The following FRMD5 variants were observed in gnomAD, a reference collection of about 807,000 sequenced individuals.
The protein encoded by FRMD5 is FERM domain containing 5.
In FRMD5, 20 loss-of-function variants were observed where a neutral mutation model predicts 69.0. That is an observed-to-expected ratio of 0.29 (90% CI 0.20 to 0.42). FRMD5 has a LOEUF of 0.42. FRMD5 is among the 10% of genes least tolerant of loss of function. The probability of loss-of-function intolerance (pLI) is 1.00; values close to 1 mark genes in which losing one functional copy is unlikely to be tolerated. For missense variants in FRMD5, 595 were observed against 708.6 expected (o/e 0.84, Z 1.82); for synonymous variants, 271 against 260.1 (o/e 1.04, Z -0.40).
At chr15:43,959,214 A>G (rs191235650) in intron 1 of FRMD5, among the ~76,000 whole-genome samples, 1 of 152,372 alleles carries the variant, frequency 6.6e-6, no homozygotes, top group African/African-American at 2.4e-5. Flanking sequence ...ACATTCTTTG[A>G]TGAGTCACAA....
chr15:43,978,055 T>G (rs894743438), intron 1 of FRMD5, among the ~76,000 whole-genome samples: 7 of 152,112 alleles, frequency 4.6e-5, no homozygotes, highest in Non-Finnish European at 8.8e-5. Flanking sequence ...AGAAACTTTA[T>G]TATAAAAAAA....
chr15:44,154,282 C>T (rs1219782878), intron 1 of FRMD5, among the ~76,000 whole-genome samples: 3 of 151,954 alleles, frequency 2.0e-5, no homozygotes, highest in Non-Finnish European at 4.4e-5. Context: ...CATGATTGCA[C>T]TTCACTCCAG....
intron 1 of FRMD5, among the ~76,000 whole-genome samples, chr15:44,064,659 T>C (rs1429810175): frequency 2.0e-5 from 3 of 152,044 alleles, no homozygotes; most frequent in African/African-American, 7.2e-5. Context: ...AAAATAAAAG[T>C]GAAAAAATCC....
At chr15:44,138,920 C>T (rs769525086) in intron 1 of FRMD5, among the ~76,000 whole-genome samples, 14 of 152,074 alleles carry the variant, frequency 9.2e-5, no homozygotes, top group Non-Finnish European at 1.6e-4. Flanking sequence ...AAGTAGATTA[C>T]TGGCTGCCTA....
In FRMD5 at chr15:44,192,094, T is replaced by C. The variant is rs1425354427; in HGVS notation, c.102+2859A>G. Among the ~76,000 whole-genome samples the C allele has an allele frequency of 4.6e-5, 7 of 152,082 alleles. No homozygotes were observed. In the South Asian group the frequency reaches 6.2e-4, roughly 14 times the overall value. On this transcript the variant is annotated intron_variant, in intron 1 of 13. Transcript: ENST00000417257. ...TACAACCCTCCTATGTATACTTTCA[T>C]TTCTCATGGTCTACAAATACATTTG...
At chr15:44,003,201 G>A (rs967266594) in intron 1 of FRMD5, among the ~76,000 whole-genome samples, 2 of 152,100 alleles carry the variant, frequency 1.3e-5, no homozygotes, top group Admixed American at 6.5e-5. Context: ...CCTTCAAAAT[G>A]TATTCAGAAT....
intron 13 of FRMD5, chr15:43,879,917 T>C: frequency 2.9e-6 from 1 of 345,424 alleles, no homozygotes; most frequent in Non-Finnish European, 5.2e-6. Flanking sequence ...GCCACCGTTA[T>C]CAGGGGACTG....
At chr15:44,073,291 C>G (rs1893618178) in intron 1 of FRMD5, among the ~76,000 whole-genome samples, 1 of 152,138 alleles carries the variant, frequency 6.6e-6, no homozygotes, top group Non-Finnish European at 1.5e-5. Context: ...ACTCTGCACA[C>G]AAAAACATAC....
chr15:43,874,368 T>C lies in FRMD5; in HGVS notation c.1230A>G (p.Thr410=), dbSNP rs375891104. Residue 410 remains threonine (T), a synonymous_variant, in exon 14 of 14, where the codon ACA becomes ACG. Transcript: ENST00000417257. ...TFLPHVRSSR[T]DSNERVAVIA... Reference sequence around the variant, plus strand: ...TCACAGCTACTCGCTCATTGCTATCTGTCCGGCTGCTTCTCACGTGAGGCA... The same window carrying C: ...TCACAGCTACTCGCTCATTGCTATCCGTCCGGCTGCTTCTCACGTGAGGCA... The C allele has an allele frequency of 1.2e-6, 2 of 1,614,114 alleles. No individual in the cohort carries two copies. Among genetic ancestry groups the C allele is most frequent in the Non-Finnish European group, 1.7e-6 (2 of 1,180,048 alleles).
intron 6 of FRMD5, among the ~76,000 whole-genome samples, chr15:43,903,915 C>T (rs2140403555): frequency 6.6e-6 from 1 of 152,330 alleles, no homozygotes; most frequent in South Asian, 2.1e-4. Flanking sequence ...CCATGAGGCC[C>T]CTGCCCCCAA....
chr15:43,892,441 T>G (rs148361235), intron 7 of FRMD5, among the ~76,000 whole-genome samples: 2 of 152,226 alleles, frequency 1.3e-5, no homozygotes, highest in Non-Finnish European at 2.9e-5. Context: ...TTGTTAAAAA[T>G]AGAGTTACCA....
intron 1 of FRMD5, among the ~76,000 whole-genome samples, chr15:44,029,759 C>G (rs1230225770): frequency 6.6e-6 from 1 of 152,166 alleles, no homozygotes; most frequent in Non-Finnish European, 1.5e-5. Flanking sequence ...TAAAACAGAA[C>G]AGATGCTTAG....
Position 44,104,510 on chromosome 15 carries a change from C to A in FRMD5, c.102+90443G>T, listed in dbSNP as rs144338522. Among the ~76,000 whole-genome samples the A allele has an allele frequency of 6.1e-3, 930 of 152,316 alleles. 20 individuals carry two copies. The highest frequency in any genetic ancestry group is 0.021 in the African/African-American group (891 of 41,574). ...AACTTCTAGTCCTGCAAGCTCTATT[C>A]ATGGTAAGTGTCCCATATAGGTGTA... On this transcript the variant is annotated intron_variant, in intron 1 of 13. Transcript: ENST00000417257.
At chr15:44,166,196 GT>G (rs1487314290) in intron 1 of FRMD5, among the ~76,000 whole-genome samples, 1 of 152,078 alleles carries the variant, frequency 6.6e-6, no homozygotes, top group Non-Finnish European at 1.5e-5. Context: ...TTTTTCACAT[GT>G]TTATTAGCTA....
chr15:44,109,016 AAAAT>A (rs57019064), intron 1 of FRMD5, among the ~76,000 whole-genome samples: 4,292 of 146,954 alleles, frequency 0.029, 214 homozygotes, highest in African/African-American at 0.11. Flanking sequence ...AAAATAAAAT[AAAAT>A]GTTTGCCAAT....
chr15:44,003,468 A>G (rs115338159), intron 1 of FRMD5, among the ~76,000 whole-genome samples: 2,532 of 152,270 alleles, frequency 0.017, 71 homozygotes, highest in East Asian at 0.052. Context: ...TATTTCACTC[A>G]AGAGTAAAAC....
chr15:43,925,577 A>G (rs891050783), intron 1 of FRMD5, among the ~76,000 whole-genome samples: 34 of 152,354 alleles, frequency 2.2e-4, no homozygotes, highest in African/African-American at 7.7e-4. Context: ...CAGTGAACAT[A>G]CAATGATCTT....
At chr15:44,013,574 T>C (rs1057216601) in intron 1 of FRMD5, among the ~76,000 whole-genome samples, 1 of 152,206 alleles carries the variant, frequency 6.6e-6, no homozygotes, top group Admixed American at 6.5e-5. Flanking sequence ...GCCTATACTA[T>C]TCTGAAAGTA....
chr15:43,874,307 G>C lies in FRMD5; in HGVS notation c.1291C>G (p.Leu431Val). 1 of 1,614,212 alleles carries C rather than the reference G, an allele frequency of 6.2e-7. No individual in the cohort carries two copies. The highest frequency in any genetic ancestry group is 8.5e-7 in the Non-Finnish European group (1 of 1,180,038). ...CTGTGCTCAGCCACAGGGGTGGGCA[G>C]CACGCTGTCTGCAGGGCTGTAGGCC... ...DEAYSPADSV[L>V]PTPVAEHSLE... The change falls in exon 14 of 14, where the codon CTG (leucine) becomes GTG (valine). Residue 431 changes from leucine to valine, a missense_variant. By Grantham distance (32) the Leu-to-Val change is conservative. Coordinates refer to ENST00000417257, the MANE Select transcript of FRMD5 (RefSeq NM_032892.5).
Sources: gnomAD v4.1 joint callset for allele counts (sites outside exome capture counted in the v4.1 genomes callset) on GRCh38, gnomAD v4.1.1 for gene constraint, MANE v1.5 for transcripts, NCBI Gene and HGNC (gene_info 2026-07-23, HGNC 2026-07-21) for gene names.